Variants in GRAMD4 observed in about 807,000 individuals in gnomAD.
The protein encoded by GRAMD4 is GRAM domain-containing protein 4.
GRAMD4 carries 25 observed loss-of-function variants against 83.9 expected under a neutral mutation model. The observed-to-expected ratio is 0.30, with a 90% CI of 0.22 to 0.42. GRAMD4 has a LOEUF of 0.42. GRAMD4 is among the 10% of genes least tolerant of loss of function. The pLI is 1.00. For synonymous variants in GRAMD4, 336 were observed against 320.9 expected (o/e 1.05, Z -0.50); for missense variants, 593 against 788.7 (o/e 0.75, Z 2.97).
rs759115392 is a variant in GRAMD4, at chr22:46,658,323, C to T, written c.404+16C>T. 9.6e-5 allele frequency: 152 copies of T among 1,591,280 alleles called. No individual in the cohort carries two copies. The highest frequency in any genetic ancestry group is 1.2e-4 in the Non-Finnish European group (144 of 1,171,122). ...TGAAGGCCAGGTACCGCGCCTTCCT[C>T]GGGGCCCTGGCCTGTGTGCGGCTGC... On this transcript the variant is annotated intron_variant, in intron 4 of 18. Coordinates refer to ENST00000406902, the MANE Select transcript of GRAMD4 (RefSeq NM_015124.5).
chr22:46,636,681 C>T (rs1347886835), intron 2 of GRAMD4, among the ~76,000 whole-genome samples: 1 of 152,232 alleles, frequency 6.6e-6, no homozygotes, highest in Admixed American at 6.5e-5. Flanking sequence ...GACACTCACT[C>T]GTGTGCTGTC....
At chr22:46,603,543 G>A (rs1241547023) in intron 1 of GRAMD4, among the ~76,000 whole-genome samples, 2 of 80,144 alleles carry the variant, frequency 2.5e-5, no homozygotes, top group East Asian at 5.9e-4. Flanking sequence ...TTGAGATGGA[G>A]TCTCACTCTG....
chr22:46,611,300 C>A (rs1000312886), intron 1 of GRAMD4, among the ~76,000 whole-genome samples: 1 of 151,798 alleles, frequency 6.6e-6, no homozygotes, highest in Non-Finnish European at 1.5e-5. Flanking sequence ...GGCAGAGGGG[C>A]CTATGAGCTG....
At chr22:46,660,340 G>A (rs1343026795) in intron 4 of GRAMD4, among the ~76,000 whole-genome samples, 1 of 152,154 alleles carries the variant, frequency 6.6e-6, no homozygotes, top group Non-Finnish European at 1.5e-5. Flanking sequence ...CTGGAAGCCT[G>A]AAGGAGGAGG....
upstream of GRAMD4, among the ~76,000 whole-genome samples, chr22:46,618,793 C>T (rs572972295): frequency 1.1e-4 from 17 of 152,252 alleles, 1 homozygote; most frequent in Admixed American, 5.2e-4. The surrounding 1 kb of genome is among the most constrained non-coding windows in gnomAD (Gnocchi z 5.8). Flanking sequence ...GGCGTGCGGC[C>T]GGCGTGCGCT....
At chr22:46,639,749 A>G (rs886422655) in intron 3 of GRAMD4, among the ~76,000 whole-genome samples, 5 of 152,062 alleles carry the variant, frequency 3.3e-5, no homozygotes, top group African/African-American at 9.7e-5. Flanking sequence ...GTACTCTGAC[A>G]GCTTTCTTGG....
intron 2 of GRAMD4, among the ~76,000 whole-genome samples, chr22:46,629,877 G>A (rs1361780165): frequency 1.3e-5 from 2 of 152,182 alleles, no homozygotes; most frequent in Admixed American, 6.5e-5. Flanking sequence ...CCCATATGGG[G>A]CATCTCATAT....
downstream of GRAMD4, among the ~76,000 whole-genome samples, chr22:46,680,704 A>G (rs1427737222): frequency 1.4e-5 from 2 of 142,454 alleles, no homozygotes; most frequent in African/African-American, 2.6e-5. Flanking sequence ...CCACCCATCC[A>G]TCCATCCATC....
rs2082297686 is a variant in GRAMD4, at chr22:46,659,564, T to G, written c.404+1257T>G. ...TGTGTCATTGTCAGGACTCCAAGTG[T>G]CGCTGCTTAGCTGGCCCTGAGGAAG... On this transcript the variant is annotated intron_variant, in intron 4 of 18. Coordinates refer to ENST00000406902, the MANE Select transcript of GRAMD4 (RefSeq NM_015124.5). This position sits in a 1 kb window ranked among gnomAD's most constrained non-coding sequence, Gnocchi z 4.1. 6.6e-6 allele frequency among the ~76,000 whole-genome samples: 1 copy of G among 152,216 alleles called. No individual in the cohort carries two copies.
At chr22:46,620,158 G>C (rs943030249), upstream of GRAMD4, 14 of 200,328 alleles carry the variant, frequency 7.0e-5, no homozygotes, top group Non-Finnish European at 1.1e-4. This position sits in a 1 kb window ranked among gnomAD's most constrained non-coding sequence, Gnocchi z 4.7. Context: ...GGGAAATAAA[G>C]TCCTTTGCGG....
chr22:46,634,882 G>T (rs1275950763), intron 2 of GRAMD4, among the ~76,000 whole-genome samples: 1 of 151,838 alleles, frequency 6.6e-6, no homozygotes, highest in East Asian at 1.9e-4. Context: ...GGTAGAGGTT[G>T]CAGTGATCCG....
chr22:46,601,817 T>G (rs1236300523), intron 1 of GRAMD4, among the ~76,000 whole-genome samples: 4 of 152,254 alleles, frequency 2.6e-5, no homozygotes, highest in Non-Finnish European at 5.9e-5. Flanking sequence ...TTTTTTAAGT[T>G]AAAAAATTTA....
upstream of GRAMD4, among the ~76,000 whole-genome samples, chr22:46,576,864 C>T (rs2147877482): frequency 7.0e-6 from 1 of 143,838 alleles, no homozygotes; most frequent in East Asian, 2.1e-4. Flanking sequence ...GGCGGCCGCG[C>T]GTGCGCGTGG....
At chr22:46,642,077 G>A (rs1027523022) in intron 3 of GRAMD4, among the ~76,000 whole-genome samples, 2 of 152,216 alleles carry the variant, frequency 1.3e-5, no homozygotes, top group African/African-American at 2.4e-5. Flanking sequence ...ATTCTGGCTC[G>A]TATCTGATTA....
rs111916472 is a variant in GRAMD4 at position 46,670,520 on chromosome 22, G to A, written c.1084+1612G>A. ...GAGGCTCCAGAGCTGCAGTGCACTTGCGGCCCTGGACAGCTCCGGGGCAGG... is the reference window on the plus strand; with the variant it reads ...GAGGCTCCAGAGCTGCAGTGCACTTACGGCCCTGGACAGCTCCGGGGCAGG... On this transcript the variant is annotated intron_variant, in intron 13 of 18. Transcript: ENST00000406902. Among the ~76,000 whole-genome samples the A allele has an allele frequency of 2.8e-3, 433 of 152,322 alleles. 4 individuals are homozygous for A. Among genetic ancestry groups the A allele is most frequent in the African/African-American group, 8.4e-3 (351 of 41,588 alleles).
upstream of GRAMD4, among the ~76,000 whole-genome samples, chr22:46,616,567 T>C (rs1601566471): frequency 6.9e-6 from 1 of 144,160 alleles, no homozygotes; most frequent in Non-Finnish European, 1.5e-5. Context: ...CCCCTGTGTG[T>C]GCGGCTTCCC....
chr22:46,595,889 C>G (rs1328844588), intron 1 of GRAMD4, among the ~76,000 whole-genome samples: 1 of 151,922 alleles, frequency 6.6e-6, no homozygotes, highest in Non-Finnish European at 1.5e-5. Context: ...ACCTTCCCAG[C>G]TTACCCAGGG....
At position 46,622,693 on chromosome 22, in the gene GRAMD4, C is replaced by G. The variant is rs1013649130; in HGVS notation, c.-50+2128C>G. 2.0e-5 allele frequency among the ~76,000 whole-genome samples: 3 copies of G among 152,116 alleles called. No individual in the cohort carries two copies. The highest frequency in any genetic ancestry group is 4.4e-5 in the Non-Finnish European group (3 of 68,032). ...CTTTGGGAGGCCGAGGCGGGTGGAT[C>G]ACGAGGTCAGGAGATTGAGACCATC... On this transcript the variant is annotated intron_variant, in intron 1 of 18. Coordinates refer to ENST00000406902, the MANE Select transcript of GRAMD4 (RefSeq NM_015124.5). The surrounding 1 kb of genome is among the most constrained non-coding windows in gnomAD (Gnocchi z 4.0).
upstream of GRAMD4, among the ~76,000 whole-genome samples, chr22:46,618,677 G>A (rs1269609273): frequency 1.3e-5 from 2 of 152,170 alleles, no homozygotes; most frequent in African/African-American, 2.4e-5. This position sits in a 1 kb window ranked among gnomAD's most constrained non-coding sequence, Gnocchi z 5.8. Context: ...GGAGGCACGC[G>A]GCTGCCTGGA....
Sources: allele counts gnomAD v4.1 joint callset (sites outside exome capture counted in the v4.1 genomes callset), GRCh38; gene constraint gnomAD v4.1.1; non-coding constraint Gnocchi (gnomAD v3.1); transcripts MANE v1.5; gene names NCBI Gene and HGNC (gene_info 2026-07-23, HGNC 2026-07-21).